TAS2R1: variants seen among roughly 807,000 people sequenced by gnomAD.
TAS2R1 encodes the protein taste receptor type 2 member 1.
For missense variants in TAS2R1, 370 were observed against 353.4 expected (o/e 1.05, Z -0.38); for synonymous variants, 141 against 134.2 (o/e 1.05, Z -0.35).
intron 1 of TAS2R1, among the ~76,000 whole-genome samples, chr5:9,676,081 C>T (rs1443111751): frequency 1.6e-4 from 24 of 152,020 alleles, no homozygotes; most frequent in Admixed American, 1.6e-3. Flanking sequence ...AAAATTTTGT[C>T]AATTTTTTGC....
chr5:9,694,103 C>T (rs1186814190), intron 1 of TAS2R1, among the ~76,000 whole-genome samples: 1 of 152,080 alleles, frequency 6.6e-6, no homozygotes, highest in African/African-American at 2.4e-5. Context: ...TAGTAATTCA[C>T]AAACGAAGGT....
At chr5:9,798,258 A>G in the TAS2R1 span, among the ~76,000 whole-genome samples, 1 of 152,224 alleles carries the variant, frequency 6.6e-6, no homozygotes, top group Non-Finnish European at 1.5e-5. Flanking sequence ...ATTGATCACA[A>G]ATGGACATGA....
At chr5:9,678,428 T>G (rs955329083) in intron 1 of TAS2R1, among the ~76,000 whole-genome samples, 2 of 152,200 alleles carry the variant, frequency 1.3e-5, no homozygotes, top group African/African-American at 4.8e-5. Flanking sequence ...ATCCTATTAC[T>G]GGGTATATAC....
At chr5:9,801,532 G>A in the TAS2R1 span, among the ~76,000 whole-genome samples, 1 of 152,190 alleles carries the variant, frequency 6.6e-6, no homozygotes, top group Non-Finnish European at 1.5e-5. Flanking sequence ...AGAATCCACA[G>A]ACCCTTTGAA....
chr5:9,683,321 T>C (rs760516962), intron 1 of TAS2R1, among the ~76,000 whole-genome samples: 8 of 152,242 alleles, frequency 5.3e-5, no homozygotes, highest in Non-Finnish European at 1.2e-4. Context: ...TTAAGGTCCA[T>C]GTGTGTATTA....
chr5:9,704,499 C>A (rs1035109368), intron 1 of TAS2R1, among the ~76,000 whole-genome samples: 1 of 152,076 alleles, frequency 6.6e-6, no homozygotes, highest in African/African-American at 2.4e-5. Flanking sequence ...CAAAGCACAG[C>A]AAAAGGCAGT....
At chr5:9,719,934 AAAAACAAAAAC>A in the TAS2R1 span, among the ~76,000 whole-genome samples, 47 of 130,494 alleles carry the variant, frequency 3.6e-4, no homozygotes, top group African/African-American at 1.4e-3. Context: ...AAAAAAAAAA[AAAAACAAAAAC>A]AAAAACAAAC....
chr5:9,713,910 A>G (rs1304008627), upstream of TAS2R1: 6 of 152,230 alleles, frequency 3.9e-5, no homozygotes, highest in Admixed American at 6.5e-5. Flanking sequence ...TTGTACCTCT[A>G]TTATAAGCAT....
the TAS2R1 span, among the ~76,000 whole-genome samples, chr5:9,842,367 C>G: frequency 1.0e-4 from 14 of 138,008 alleles, no homozygotes; most frequent in East Asian, 2.1e-3. Flanking sequence ...GTTGCCCAGG[C>G]TGGAGTGCAG....
chr5:9,840,833 T>TTTA, the TAS2R1 span, among the ~76,000 whole-genome samples: 49 of 77,478 alleles, frequency 6.3e-4, no homozygotes, highest in African/African-American at 2.2e-3. Context: ...TTTCATTTTA[T>TTTA]TTTATTTATT....
At chr5:9,789,943 T>A in the TAS2R1 span, among the ~76,000 whole-genome samples, 7 of 152,266 alleles carry the variant, frequency 4.6e-5, no homozygotes, top group African/African-American at 1.4e-4. Context: ...GCCATCCTCA[T>A]GGCAGAAGGC....
chr5:9,816,895 T>A, the TAS2R1 span, among the ~76,000 whole-genome samples: 2 of 152,350 alleles, frequency 1.3e-5, no homozygotes, highest in African/African-American at 4.8e-5. Flanking sequence ...CACACTGAGA[T>A]GACAACAGTG....
At chr5:9,762,557 C>A in the TAS2R1 span, among the ~76,000 whole-genome samples, 16 of 152,276 alleles carry the variant, frequency 1.1e-4, no homozygotes, top group East Asian at 2.9e-3. Context: ...ACAATATAGA[C>A]CCGGTAAATT....
the TAS2R1 span, among the ~76,000 whole-genome samples, chr5:9,738,243 T>C: frequency 9.8e-3 from 1,489 of 152,286 alleles, 27 homozygotes; most frequent in African/African-American, 0.034. Flanking sequence ...TCAGAGTTTA[T>C]AAGTCCAAGG....
chr5:9,754,452 A>T, the TAS2R1 span, among the ~76,000 whole-genome samples: 1 of 152,202 alleles, frequency 6.6e-6, no homozygotes, highest in South Asian at 2.1e-4. Context: ...GAAAAGAGGA[A>T]GTCAAATTGT....
At chr5:9,893,600 T>A in the TAS2R1 span, among the ~76,000 whole-genome samples, 8 of 150,428 alleles carry the variant, frequency 5.3e-5, no homozygotes, top group South Asian at 1.7e-3. Context: ...TACATACTTG[T>A]AATAAAAAAA....
the TAS2R1 span, among the ~76,000 whole-genome samples, chr5:9,849,568 G>A: frequency 6.6e-6 from 1 of 152,154 alleles, no homozygotes; most frequent in Non-Finnish European, 1.5e-5. Flanking sequence ...GACATTTCAG[G>A]CATCTGGACA....
At chr5:9,853,848 A>G in the TAS2R1 span, among the ~76,000 whole-genome samples, 1 of 152,172 alleles carries the variant, frequency 6.6e-6, no homozygotes, top group African/African-American at 2.4e-5. Context: ...GAGCAATTAT[A>G]AGGTCAATGA....
the TAS2R1 span, among the ~76,000 whole-genome samples, chr5:9,825,316 C>T: frequency 3.3e-5 from 5 of 152,142 alleles, no homozygotes; most frequent in Admixed American, 1.3e-4. Flanking sequence ...GGATGTCTTA[C>T]ATGGTGGCAG....
Sources: allele counts gnomAD v4.1 joint callset (sites outside exome capture counted in the v4.1 genomes callset), GRCh38; gene constraint gnomAD v4.1.1; transcripts MANE v1.5; gene names NCBI Gene and HGNC (gene_info 2026-07-23, HGNC 2026-07-21).